Variants in ZNHIT6 observed in about 807,000 individuals in gnomAD.
ZNHIT6 encodes box C/D snoRNA protein 1.
ZNHIT6 carries 45 observed loss-of-function variants against 57.2 expected under a neutral mutation model. That is an observed-to-expected ratio of 0.79 (90% confidence interval 0.62 to 1.01). ZNHIT6 has a LOEUF of 1.01. ZNHIT6 is among the 50% of genes least tolerant of loss of function. The pLI is 0.00. For synonymous variants in ZNHIT6, 188 were observed against 190.0 expected (o/e 0.99, Z 0.09); for missense variants, 528 against 567.3 (o/e 0.93, Z 0.70).
Position 85,657,853 on chromosome 1 carries a change from G to T in ZNHIT6, c.1366C>A (p.His456Asn). Residue 456 changes from histidine to asparagine, a missense_variant, in exon 9 of 10, where the codon CAC becomes AAC. Transcript: ENST00000370574. Reference protein sequence around the residue: ...KGSNNDMKVLHQVKSESTKNV... With the variant: ...KGSNNDMKVLNQVKSESTKNV... ...GAAACAAATTTACACTTACCTTGGT[G>T]AAGAACTTTCATGTCATTATTGGAT... 6.2e-7 allele frequency: 1 copy of T among 1,606,698 alleles called. No individual in the cohort carries two copies.
At chr1:85,676,881 G>C (rs887142946) in intron 8 of ZNHIT6, among the ~76,000 whole-genome samples, 3 of 152,176 alleles carry the variant, frequency 2.0e-5, no homozygotes, top group African/African-American at 7.2e-5. Flanking sequence ...TTGGAAAACT[G>C]GTGCAGATAG....
intron 8 of ZNHIT6, 102 bp from the exon 9 acceptor site, chr1:85,658,073 G>T: frequency 2.5e-6 from 2 of 789,542 alleles, no homozygotes; most frequent in Non-Finnish European, 3.7e-6. Context: ...ATTTTTTAAA[G>T]GTGATGACAA....
At chr1:85,674,236 G>A (rs1267762915) in intron 8 of ZNHIT6, among the ~76,000 whole-genome samples, 1 of 152,132 alleles carries the variant, frequency 6.6e-6, no homozygotes, top group African/African-American at 2.4e-5. Context: ...TGGAAGATAA[G>A]CTTTCTCCAC....
intron 7 of ZNHIT6, among the ~76,000 whole-genome samples, chr1:85,678,111 T>C (rs1335386026): frequency 2.0e-5 from 3 of 152,218 alleles, no homozygotes; most frequent in African/African-American, 7.2e-5. Flanking sequence ...CAGAAACAGC[T>C]ATTTTAACCC....
At chr1:85,659,480 G>A (rs953035774) in intron 8 of ZNHIT6, among the ~76,000 whole-genome samples, 1 of 152,152 alleles carries the variant, frequency 6.6e-6, no homozygotes, top group Non-Finnish European at 1.5e-5. Context: ...CATATCTCAT[G>A]AGATCCAGCC....
intron 6 of ZNHIT6, 40 bp from the exon 7 acceptor site, chr1:85,678,821 T>C (rs531534554): frequency 1.8e-6 from 2 of 1,141,358 alleles, no homozygotes; most frequent in East Asian, 2.8e-5. Context: ...TATTAGTATT[T>C]ATAATTTTCT....
intron 8 of ZNHIT6, among the ~76,000 whole-genome samples, chr1:85,671,242 T>C (rs1373418351): frequency 6.6e-6 from 1 of 152,152 alleles, no homozygotes; most frequent in Non-Finnish European, 1.5e-5. Flanking sequence ...TTGTGTTTAG[T>C]GGTGAGTGGC....
intron 5 of ZNHIT6, among the ~76,000 whole-genome samples, chr1:85,698,098 G>C (rs966505358): frequency 6.6e-6 from 1 of 152,048 alleles, no homozygotes; most frequent in Non-Finnish European, 1.5e-5. Context: ...CCTTGCTTGG[G>C]CTCAACTTAC....
chr1:85,658,178 A>G (rs1400772339), intron 8 of ZNHIT6, among the ~76,000 whole-genome samples: 1 of 151,882 alleles, frequency 6.6e-6, no homozygotes, highest in Non-Finnish European at 1.5e-5. Flanking sequence ...AAACTAAATA[A>G]AAAAAAATCA....
chr1:85,654,488 A>C (rs1297344964), intron 9 of ZNHIT6, among the ~76,000 whole-genome samples: 1 of 152,114 alleles, frequency 6.6e-6, no homozygotes, highest in Non-Finnish European at 1.5e-5. Context: ...TGTTGAGTGA[A>C]TGTGGAGTGA....
intron 8 of ZNHIT6, among the ~76,000 whole-genome samples, chr1:85,662,255 T>C (rs1570285515): frequency 6.6e-6 from 1 of 151,760 alleles, no homozygotes; most frequent in Admixed American, 6.6e-5. Context: ...TGACACTCCA[T>C]GGATCATCGC....
intron 8 of ZNHIT6, among the ~76,000 whole-genome samples, chr1:85,658,219 A>G (rs1661118484): frequency 6.6e-6 from 1 of 152,068 alleles, no homozygotes; most frequent in Non-Finnish European, 1.5e-5. Context: ...GCTCTAAAAC[A>G]AGTTACTAAT....
chr1:85,674,656 C>A (rs1001469522), intron 8 of ZNHIT6, among the ~76,000 whole-genome samples: 1 of 152,112 alleles, frequency 6.6e-6, no homozygotes. Flanking sequence ...TTACATAATT[C>A]TTTTATTATC....
At chr1:85,701,862 CACA>C (rs1384186979) in intron 5 of ZNHIT6, among the ~76,000 whole-genome samples, 4 of 152,060 alleles carry the variant, frequency 2.6e-5, no homozygotes, top group East Asian at 3.9e-4. Context: ...ACTGAAAAAT[CACA>C]ACAAGCATAC....
At position 85,706,298 on chromosome 1, in the gene ZNHIT6, T is replaced by G; in HGVS notation, c.780A>C (p.Lys260Asn). 6.2e-7 allele frequency: 1 copy of G among 1,613,210 alleles called. No homozygotes were observed. The highest frequency in any genetic ancestry group is 8.5e-7 in the Non-Finnish European group (1 of 1,179,482). The change falls in exon 3 of 10, where the codon AAA (lysine) becomes AAC (asparagine). Residue 260 changes from lysine to asparagine, a missense_variant. Coordinates refer to ENST00000370574, the MANE Select transcript of ZNHIT6 (RefSeq NM_017953.4). ...ACTGTTGTATTGAAATGTATGCAGT[T>G]TTATCTCGAACTCCATTACATGTCA... is the stretch of plus-strand genomic sequence containing the variant. ...AELTCNGVRD[K>N]TAYISIQQFT...
In ZNHIT6 at chr1:85,663,410, C is replaced by T. The variant is rs182309415; in HGVS notation, c.1248-5439G>A. Among the ~76,000 whole-genome samples the T allele has an allele frequency of 7.0e-3, 1,071 of 152,074 alleles. 6 individuals carry two copies. Among genetic ancestry groups the T allele is most frequent in the Non-Finnish European group, 0.012 (819 of 68,006 alleles). ...GGGTAAGTCAATTTTTCAGAGCCTA[C>T]GATTCCTAATCAGGTAAAGTAGAGA... On this transcript the variant is annotated intron_variant, in intron 8 of 9. Coordinates refer to ENST00000370574, the MANE Select transcript of ZNHIT6 (RefSeq NM_017953.4).
intron 5 of ZNHIT6, 122 bp downstream of exon 5, chr1:85,702,035 G>T: frequency 1.5e-6 from 1 of 658,172 alleles, no homozygotes; most frequent in Non-Finnish European, 2.6e-6. Context: ...TCTTGTCATG[G>T]ACCAATAACA....
chr1:85,656,649 T>A (rs1050201264), intron 9 of ZNHIT6, among the ~76,000 whole-genome samples: 1 of 152,090 alleles, frequency 6.6e-6, no homozygotes, highest in Non-Finnish European at 1.5e-5. Flanking sequence ...CATTTAAAAC[T>A]AAAATTCCTA....
chr1:85,698,965 T>C (rs1662455430), intron 5 of ZNHIT6, among the ~76,000 whole-genome samples: 1 of 152,142 alleles, frequency 6.6e-6, no homozygotes, highest in Non-Finnish European at 1.5e-5. Context: ...ACTACTTTAG[T>C]TGGTATTAAA....
Sources: gnomAD v4.1 joint callset for allele counts (sites outside exome capture counted in the v4.1 genomes callset) on GRCh38, gnomAD v4.1.1 for gene constraint, MANE v1.5 for transcripts, NCBI Gene and HGNC (gene_info 2026-07-23, HGNC 2026-07-21) for gene names.